SLC6A9: variants seen among roughly 807,000 people sequenced by gnomAD.
SLC6A9 encodes solute carrier family 6 member 9.
A neutral mutation model predicts 70.9 loss-of-function variants in SLC6A9; 31 were observed. The observed-to-expected ratio is 0.44, with a 90% CI of 0.33 to 0.59. The LOEUF is 0.59. Ranked by LOEUF, SLC6A9 falls within the 20% of genes least tolerant of loss-of-function variation. The probability of loss-of-function intolerance (pLI) is 0.04; values close to 1 mark genes in which losing one functional copy is unlikely to be tolerated. For synonymous variants in SLC6A9, 310 were observed against 341.3 expected, an observed-to-expected ratio of 0.91 and a Z score of 1.01; for missense variants, 631 against 845.2, an observed-to-expected ratio of 0.75 and a Z score of 3.14.
intron 1 of SLC6A9, 69 bp from the exon 2 acceptor site, chr1:44,024,431 T>C (rs1321380738): frequency 1.1e-6 from 1 of 905,710 alleles, no homozygotes; most frequent in South Asian, 1.5e-5. Context: ...AGACAGGTAG[T>C]GCCGAGCCAC....
At position 44,000,797 on chromosome 1, in the gene SLC6A9, G is replaced by A. The variant is rs200069798; in HGVS notation, c.1506C>T (p.Cys502=). 22 of 1,611,356 alleles carry A rather than the reference G, an allele frequency of 1.4e-5. No homozygotes were observed. Among genetic ancestry groups the A allele is most frequent in the Non-Finnish European group, 1.8e-5 (21 of 1,178,708 alleles). ...TGATGGCGGGAGAGACGAAGCGCCA[G>A]CAGATCTGAAAGAAGAGGGGTGGTG... is the stretch of plus-strand genomic sequence containing the variant. ...GFPPPLFFQI[C]WRFVSPAIIF... The change falls in exon 12 of 14, where the codon TGC becomes TGT. Residue 502 remains cysteine (C), a synonymous_variant. Transcript: ENST00000372310.
chr1:44,003,068 G>C, intron 5 of SLC6A9, 83 bp from the exon 6 acceptor site: 1 of 1,519,442 alleles, frequency 6.6e-7, no homozygotes, highest in African/African-American at 1.4e-5. Context: ...CACCCGGGCT[G>C]TACCCTCCTT....
intron 2 of SLC6A9, among the ~76,000 whole-genome samples, chr1:44,019,572 G>T (rs944650084): frequency 2.0e-5 from 3 of 152,264 alleles, no homozygotes; most frequent in African/African-American, 7.2e-5. Flanking sequence ...GTGGGCTCTG[G>T]GCTCTGGCTG....
chr1:44,005,892 CA>C (rs1385364104), intron 5 of SLC6A9, among the ~76,000 whole-genome samples: 2 of 152,244 alleles, frequency 1.3e-5, no homozygotes, highest in Non-Finnish European at 2.9e-5. Context: ...GCCAGTTAGG[CA>C]GGCCTGGCTC....
chr1:44,010,462 G>GT (rs2086513086), intron 3 of SLC6A9: 1 of 229,412 alleles, frequency 4.4e-6, no homozygotes, highest in East Asian at 9.0e-5. Context: ...TGGGCGGGGG[G>GT]GGGGGGGGGT....
intron 3 of SLC6A9, 154 bp downstream of exon 3, chr1:44,010,572 A>C: frequency 4.4e-6 from 3 of 679,260 alleles, no homozygotes; most frequent in Non-Finnish European, 7.3e-6. Flanking sequence ...TGCCTTAGGC[A>C]AAGGGTGCCT....
At chr1:44,026,250 C>T (rs140927216) in intron 1 of SLC6A9, among the ~76,000 whole-genome samples, 1 of 152,240 alleles carries the variant, frequency 6.6e-6, no homozygotes, top group African/African-American at 2.4e-5. Flanking sequence ...CTCTCTCACC[C>T]CTGTGCCTCC....
At chr1:44,009,514 C>T (rs1301140656) in intron 4 of SLC6A9, among the ~76,000 whole-genome samples, 3 of 151,782 alleles carry the variant, frequency 2.0e-5, no homozygotes, top group South Asian at 2.1e-4. Flanking sequence ...TAAGCCACCG[C>T]GCCCGGCCAA....
intron 1 of SLC6A9, chr1:44,030,347 A>C (rs2087080825): frequency 6.6e-6 from 1 of 152,016 alleles, no homozygotes; most frequent in Non-Finnish European, 1.5e-5. Flanking sequence ...CGGGGCGCCG[A>C]GGTCCCCGCC....
chr1:44,011,579 G>A (rs187474842), intron 2 of SLC6A9: 1 of 1,614,032 alleles, frequency 6.2e-7, no homozygotes, highest in Non-Finnish European at 8.5e-7. Flanking sequence ...TGGCTAGGGA[G>A]TGCTGGGCCA....
At chr1:43,998,988 G>GGC (rs1553160186) in intron 12 of SLC6A9, among the ~76,000 whole-genome samples, 2 of 151,368 alleles carry the variant, frequency 1.3e-5, no homozygotes, top group Non-Finnish European at 3.0e-5. Context: ...GGGAAGGGGG[G>GGC]GGGCAGTCCC....
chr1:43,998,132 G>A, intron 12 of SLC6A9, 107 bp from the exon 13 acceptor site: 2 of 1,044,862 alleles, frequency 1.9e-6, no homozygotes, highest in Non-Finnish European at 2.8e-6. Context: ...AACTAGAAAA[G>A]GGCATTTGGG....
In SLC6A9 at chr1:44,002,716, T is replaced by A; in HGVS notation, c.724-70A>T. ...CCTGGGCACCACCACCCTGGCTCCC[T>A]AATCACCACCAGCCCCCTGGTCCCT... is the stretch of plus-strand genomic sequence containing the variant. On this transcript the variant is annotated intron_variant, in intron 6 of 13. Coordinates refer to ENST00000372310, the MANE Select transcript of SLC6A9 (RefSeq NM_001024845.3). The surrounding 1 kb of genome is among the most constrained non-coding windows in gnomAD (Gnocchi z 5.5). 6.2e-7 allele frequency: 1 copy of A among 1,601,036 alleles called. No homozygotes were observed.
At chr1:44,014,161 C>T (rs935251302) in intron 2 of SLC6A9, among the ~76,000 whole-genome samples, 4 of 152,126 alleles carry the variant, frequency 2.6e-5, no homozygotes, top group African/African-American at 9.7e-5. Context: ...CACCCTCACT[C>T]ACTTGCTGAC....
At chr1:44,028,928 T>A (rs2087038052) in intron 1 of SLC6A9, among the ~76,000 whole-genome samples, 1 of 152,064 alleles carries the variant, frequency 6.6e-6, no homozygotes, top group Non-Finnish European at 1.5e-5. Context: ...AAAGGCAACA[T>A]GGCGAGACTT....
chr1:44,011,734 G>C (rs991854406), intron 2 of SLC6A9: 1 of 1,613,400 alleles, frequency 6.2e-7, no homozygotes, highest in African/African-American at 1.3e-5. Flanking sequence ...TGCAGGGGAG[G>C]GGGCCGAAGG....
At chr1:44,001,726 A>C (rs2086116091) in intron 8 of SLC6A9, 99 bp from the exon 9 acceptor site, 1 of 866,718 alleles carries the variant, frequency 1.2e-6, no homozygotes, top group Non-Finnish European at 1.8e-6. Flanking sequence ...GGCACCCCCA[A>C]CTCTTTTTTT....
At chr1:44,030,937 G>A (rs1314138162) in intron 1 of SLC6A9, among the ~76,000 whole-genome samples, 2 of 151,994 alleles carry the variant, frequency 1.3e-5, no homozygotes, top group East Asian at 3.9e-4. Context: ...CTCTGGCTCC[G>A]GCGCTACCCG....
chr1:44,007,566 A>G (rs74468169), intron 5 of SLC6A9, among the ~76,000 whole-genome samples: 4,054 of 152,262 alleles, frequency 0.027, 120 homozygotes, highest in African/African-American at 0.075. Context: ...GAGACCTTCC[A>G]TGGCGTCTTT....
Sources: gnomAD v4.1 joint callset for allele counts (sites outside exome capture counted in the v4.1 genomes callset) on GRCh38, gnomAD v4.1.1 for gene constraint, Gnocchi (gnomAD v3.1) non-coding constraint, MANE v1.5 for transcripts, NCBI Gene and HGNC (gene_info 2026-07-23, HGNC 2026-07-21) for gene names.